Variants in XRCC4 observed in about 807,000 individuals in gnomAD.
The protein encoded by XRCC4 is DNA repair protein XRCC4.
XRCC4 carries 28 observed loss-of-function variants against 39.1 expected under a neutral mutation model. The observed-to-expected ratio is 0.72, with a 90% confidence interval of 0.53 to 0.98. The LOEUF is 0.98. Ranked by LOEUF, XRCC4 falls within the 50% of genes least tolerant of loss-of-function variation. The pLI, the probability that XRCC4 is intolerant of heterozygous loss-of-function variation, is 0.00. For missense variants in XRCC4, 350 were observed against 376.4 expected, an observed-to-expected ratio of 0.93 and a Z score of 0.58; for synonymous variants, 123 against 126.4, an observed-to-expected ratio of 0.97 and a Z score of 0.18.
intron 7 of XRCC4, among the ~76,000 whole-genome samples, chr5:83,261,310 T>A (rs1000456645): frequency 1.3e-5 from 2 of 152,032 alleles, no homozygotes; most frequent in African/African-American, 4.8e-5. Context: ...TGAAGCATGA[T>A]TTTTTTCTCT....
At position 83,300,318 on chromosome 5, in the gene XRCC4, A is replaced by AG. The variant is rs1213149311; in HGVS notation, c.893+41642dup. 6.6e-5 allele frequency among the ~76,000 whole-genome samples: 10 copies of AG among 152,212 alleles called. No individual in the cohort carries two copies. In the East Asian group the frequency reaches 1.9e-3, roughly 29 times the overall value. On this transcript the variant is annotated intron_variant, in intron 7 of 7. Transcript: ENST00000396027. ...TCTCCAGTGCTATTAAGAAAAAAAA[A>AG]GTGTATGTATGTTCTCTTTCTCTCT...
intron 5 of XRCC4, 66 bp from the exon 6 acceptor site, chr5:83,204,749 T>G: frequency 8.7e-7 from 1 of 1,142,954 alleles, no homozygotes; most frequent in Non-Finnish European, 1.3e-6. Flanking sequence ...AATTGCTTAC[T>G]GATAAATCTG....
intron 6 of XRCC4, among the ~76,000 whole-genome samples, chr5:83,217,211 G>T (rs1270511775): frequency 1.3e-5 from 2 of 151,868 alleles, no homozygotes; most frequent in Non-Finnish European, 2.9e-5. Context: ...CAAAAAATTA[G>T]CCAGGCATGG....
intron 6 of XRCC4, among the ~76,000 whole-genome samples, chr5:83,254,299 T>G (rs1004001798): frequency 6.6e-6 from 1 of 152,130 alleles, no homozygotes; most frequent in Non-Finnish European, 1.5e-5. Flanking sequence ...CTCTGCCTTC[T>G]TACTCCTTCC....
the XRCC4 span, among the ~76,000 whole-genome samples, chr5:83,369,518 T>C: frequency 2.0e-5 from 3 of 152,242 alleles, no homozygotes; most frequent in East Asian, 5.8e-4. Context: ...TTTCTGTTTC[T>C]GCATTGTTTG....
intron 7 of XRCC4, among the ~76,000 whole-genome samples, chr5:83,271,106 G>A (rs1220363303): frequency 6.6e-6 from 1 of 152,092 alleles, no homozygotes; most frequent in African/African-American, 2.4e-5. Context: ...GTTGGTTGAA[G>A]TTACCTGAAA....
chr5:83,163,790 A>T (rs954656343), intron 3 of XRCC4, among the ~76,000 whole-genome samples: 1 of 152,220 alleles, frequency 6.6e-6, no homozygotes, highest in South Asian at 2.1e-4. Flanking sequence ...TGTTTAACAC[A>T]TTGTGTCTTT....
chr5:83,265,741 A>T (rs1489573063), intron 7 of XRCC4, among the ~76,000 whole-genome samples: 1 of 152,154 alleles, frequency 6.6e-6, no homozygotes, highest in Non-Finnish European at 1.5e-5. Flanking sequence ...TTAAAGCATG[A>T]TTATTAAATG....
intron 6 of XRCC4, among the ~76,000 whole-genome samples, chr5:83,218,972 T>TA (rs1030395422): frequency 2.6e-5 from 4 of 152,000 alleles, no homozygotes; most frequent in Admixed American, 2.0e-4. Flanking sequence ...ACAACAGAAA[T>TA]ATATTTACTC....
chr5:83,363,166 G>A, the XRCC4 span, among the ~76,000 whole-genome samples: 1 of 152,136 alleles, frequency 6.6e-6, no homozygotes, highest in African/African-American at 2.4e-5. Flanking sequence ...CATGCCCAAG[G>A]AAAATTTGAG....
intron 6 of XRCC4, among the ~76,000 whole-genome samples, chr5:83,236,317 A>T (rs1187846101): frequency 6.6e-6 from 1 of 152,196 alleles, no homozygotes; most frequent in Non-Finnish European, 1.5e-5. Context: ...TTCAAATTAT[A>T]CTACAAAATT....
intron 3 of XRCC4, among the ~76,000 whole-genome samples, chr5:83,190,902 T>C (rs924739861): frequency 7.9e-5 from 12 of 152,236 alleles, no homozygotes; most frequent in African/African-American, 2.9e-4. Context: ...TAAATTGTAC[T>C]AATCAATAAA....
chr5:83,282,710 C>T (rs1247845100), intron 7 of XRCC4, among the ~76,000 whole-genome samples: 1 of 151,964 alleles, frequency 6.6e-6, no homozygotes, highest in African/African-American at 2.4e-5. Context: ...GGCATGGTGG[C>T]AGGCGCCTGT....
At chr5:83,307,134 C>T (rs983384636) in intron 7 of XRCC4, among the ~76,000 whole-genome samples, 1 of 152,198 alleles carries the variant, frequency 6.6e-6, no homozygotes, top group Non-Finnish European at 1.5e-5. Flanking sequence ...GAATCCAGTG[C>T]ACACTTTCTT....
intron 3 of XRCC4, among the ~76,000 whole-genome samples, chr5:83,127,617 G>A (rs191662039): frequency 3.7e-4 from 56 of 151,956 alleles, no homozygotes; most frequent in East Asian, 2.3e-3. Context: ...GTATGAAAAC[G>A]GACTAATACC....
chr5:83,134,313 G>T (rs1269222386), intron 3 of XRCC4, among the ~76,000 whole-genome samples: 1 of 152,148 alleles, frequency 6.6e-6, no homozygotes, highest in Non-Finnish European at 1.5e-5. Context: ...TTTGTGTCTA[G>T]CTAAAGGATT....
At chr5:83,244,833 A>G (rs983464518) in intron 6 of XRCC4, among the ~76,000 whole-genome samples, 21 of 152,180 alleles carry the variant, frequency 1.4e-4, no homozygotes, top group African/African-American at 4.3e-4. Flanking sequence ...CTGTTGTCCA[A>G]TGTGGAAAAC....
At chr5:83,122,557 A>G (rs1223019479) in intron 3 of XRCC4, among the ~76,000 whole-genome samples, 1 of 152,126 alleles carries the variant, frequency 6.6e-6, no homozygotes, top group Non-Finnish European at 1.5e-5. Context: ...TTACTCAGCA[A>G]TTGTTTGTAG....
At chr5:83,091,430 C>A (rs935843430) in intron 1 of XRCC4, among the ~76,000 whole-genome samples, 2 of 152,140 alleles carry the variant, frequency 1.3e-5, no homozygotes, top group African/African-American at 4.8e-5. Context: ...ATCCAATCAC[C>A]TCCCACCAGG....
Sources: allele counts gnomAD v4.1 joint callset (sites outside exome capture counted in the v4.1 genomes callset), GRCh38; gene constraint gnomAD v4.1.1; transcripts MANE v1.5; gene names NCBI Gene and HGNC (gene_info 2026-07-23, HGNC 2026-07-21).